KCNMA1: variants seen among roughly 807,000 people sequenced by gnomAD.
The protein encoded by KCNMA1 is Calcium-activated potassium channel subunit alpha-1.
In KCNMA1, 29 loss-of-function variants were observed where a neutral mutation model predicts 140.0. The ratio of observed to expected loss-of-function variants is 0.21; its 90% CI spans 0.15 to 0.28. The LOEUF (loss-of-function observed/expected upper bound fraction) is 0.28, where lower values mean the gene tolerates loss of function less well. Ranked by LOEUF, KCNMA1 falls within the 10% of genes least tolerant of loss-of-function variation. The pLI, the probability that KCNMA1 is intolerant of heterozygous loss-of-function variation, is 1.00. For synonymous variants in KCNMA1, 612 were observed against 611.9 expected (o/e 1.00, Z 0.00); for missense variants, 880 against 1,602.2 (o/e 0.55, Z 7.70).
At chr10:76,917,106 A>G (rs1564891179) in intron 23 of KCNMA1, among the ~76,000 whole-genome samples, 1 of 152,198 alleles carries the variant, frequency 6.6e-6, no homozygotes, top group Non-Finnish European at 1.5e-5. Flanking sequence ...TTCTTCTTCT[A>G]GGATGGTGAA....
chr10:77,323,851 T>C (rs12359379), intron 2 of KCNMA1, among the ~76,000 whole-genome samples: 17,610 of 152,176 alleles, frequency 0.12, 1,322 homozygotes, highest in Non-Finnish European at 0.17. Context: ...GATGACAGTG[T>C]TCCAGAGTTT....
intron 5 of KCNMA1, among the ~76,000 whole-genome samples, chr10:77,130,157 C>T (rs2097828470): frequency 6.6e-6 from 1 of 152,158 alleles, no homozygotes; most frequent in South Asian, 2.1e-4. Context: ...TACAATGGTT[C>T]AACTTAATGA....
chr10:77,178,092 G>A (rs551293178), intron 5 of KCNMA1, among the ~76,000 whole-genome samples: 2 of 152,240 alleles, frequency 1.3e-5, no homozygotes, highest in African/African-American at 4.8e-5. Flanking sequence ...CTATTTTCTA[G>A]CAGAGTTTAC....
chr10:77,357,959 T>A (rs897969111), intron 2 of KCNMA1, among the ~76,000 whole-genome samples: 29 of 152,098 alleles, frequency 1.9e-4, no homozygotes, highest in African/African-American at 7.0e-4. Context: ...AGTCACAAAA[T>A]CAGCTTACAG....
chr10:77,438,511 C>T (rs972257279), intron 1 of KCNMA1, among the ~76,000 whole-genome samples: 4 of 149,368 alleles, frequency 2.7e-5, no homozygotes, highest in African/African-American at 9.9e-5. Flanking sequence ...TGCAGTGAGC[C>T]GAGATTGTGT....
At chr10:77,336,781 G>C (rs2089210577) in intron 2 of KCNMA1, among the ~76,000 whole-genome samples, 1 of 152,182 alleles carries the variant, frequency 6.6e-6, no homozygotes, top group African/African-American at 2.4e-5. Context: ...CATCCTCAAA[G>C]AACTAAGCAG....
chr10:77,064,143 G>A, intron 14 of KCNMA1: 1 of 983,466 alleles, frequency 1.0e-6, no homozygotes, highest in Non-Finnish European at 1.2e-6. Context: ...TGTGATTACA[G>A]CTATAAAACC....
chr10:77,073,252 C>A lies in KCNMA1; in HGVS notation c.1594G>T (p.Ala532Ser). Residue 532 changes from alanine (A) to serine (S), a missense_variant and splice_region_variant, in exon 14 of 28, where the codon GCC becomes TCC. By Grantham distance (99) the Ala-to-Ser change is moderately conservative. Coordinates refer to ENST00000286628, the MANE Select transcript of KCNMA1 (RefSeq NM_001161352.2). The stretch of plus-strand genomic sequence containing the variant: ...CAGCTCGGGATGTTTAGCAGATGGG[C>A]CTGGGGAAAGAAAAGCAGGTATGAG... Reference protein sequence around the residue: ...ITQMLQYHNKAHLLNIPSWNW... With the variant: ...ITQMLQYHNKSHLLNIPSWNW... The A allele has an allele frequency of 6.2e-7, 1 of 1,614,048 alleles. No individual in the cohort carries two copies. The highest frequency in any genetic ancestry group is 8.5e-7 in the Non-Finnish European group (1 of 1,179,934).
intron 23 of KCNMA1, among the ~76,000 whole-genome samples, chr10:76,917,259 T>C (rs566368122): frequency 4.6e-4 from 70 of 152,322 alleles, no homozygotes; most frequent in Middle Eastern, 3.4e-3. Flanking sequence ...TAATGCTATA[T>C]GCATAATACA....
chr10:76,890,089 G>C (rs1247995385), intron 26 of KCNMA1, among the ~76,000 whole-genome samples: 1 of 152,190 alleles, frequency 6.6e-6, no homozygotes, highest in African/African-American at 2.4e-5. Flanking sequence ...CCTGTGAAAA[G>C]CACAATTTAC....
intron 15 of KCNMA1, among the ~76,000 whole-genome samples, chr10:77,029,036 A>G (rs189106495): frequency 2.3e-4 from 35 of 152,376 alleles, no homozygotes; most frequent in Non-Finnish European, 3.8e-4. Flanking sequence ...TCAAGATATA[A>G]GATCAATAAA....
chr10:77,410,626 C>A (rs1258242760), intron 1 of KCNMA1, among the ~76,000 whole-genome samples: 1 of 152,208 alleles, frequency 6.6e-6, no homozygotes, highest in Non-Finnish European at 1.5e-5. Flanking sequence ...GCTTCTTGGC[C>A]CATTCAGAGG....
intron 2 of KCNMA1, among the ~76,000 whole-genome samples, chr10:77,343,870 G>A (rs891712389): frequency 1.3e-5 from 2 of 152,186 alleles, no homozygotes; most frequent in African/African-American, 4.8e-5. Context: ...ACCAAATACA[G>A]GAAGGAACCA....
At chr10:77,214,938 A>C (rs2047230257) in intron 3 of KCNMA1, among the ~76,000 whole-genome samples, 1 of 152,056 alleles carries the variant, frequency 6.6e-6, no homozygotes, top group South Asian at 2.1e-4. Context: ...CCATCAACTC[A>C]CAGGCATTCA....
At chr10:77,592,794 A>C (rs2928137) in intron 1 of KCNMA1, among the ~76,000 whole-genome samples, 138,982 of 152,142 alleles carry the variant, frequency 0.91, 63,640 homozygotes, top group South Asian at 0.97. Context: ...ATGCTGGAGG[A>C]CCCTCAGTCT....
At chr10:77,115,969 G>A (rs907890145) in intron 6 of KCNMA1, among the ~76,000 whole-genome samples, 1 of 152,128 alleles carries the variant, frequency 6.6e-6, no homozygotes, top group African/African-American at 2.4e-5. Flanking sequence ...AGGGCTCCTT[G>A]GGAAGAAAGA....
intron 1 of KCNMA1, among the ~76,000 whole-genome samples, chr10:77,434,851 T>A (rs986500473): frequency 2.0e-5 from 3 of 152,240 alleles, no homozygotes; most frequent in Admixed American, 6.5e-5. Flanking sequence ...GCTTCTTAAA[T>A]GTGTTATTCA....
intron 2 of KCNMA1, among the ~76,000 whole-genome samples, 162 bp downstream of exon 2, chr10:77,403,700 G>A (rs1000631159): frequency 3.3e-5 from 5 of 152,060 alleles, no homozygotes; most frequent in Non-Finnish European, 4.4e-5. Flanking sequence ...ACAAGGAACC[G>A]AGCCTCTCCT....
intron 5 of KCNMA1, among the ~76,000 whole-genome samples, chr10:77,153,644 G>A (rs1014014491): frequency 3.9e-5 from 6 of 152,190 alleles, no homozygotes; most frequent in Non-Finnish European, 8.8e-5. Context: ...TTACAGGCAT[G>A]AGCCACCATG....
Sources: gnomAD v4.1 joint callset for allele counts (sites outside exome capture counted in the v4.1 genomes callset) on GRCh38, gnomAD v4.1.1 for gene constraint, MANE v1.5 for transcripts, NCBI Gene and HGNC (gene_info 2026-07-23, HGNC 2026-07-21) for gene names.